RYR2: variants seen among roughly 807,000 people sequenced by gnomAD.
RYR2 encodes ryanodine receptor 2, also known as cardiac muscle ryanodine receptor-calcium release channel.
Under a neutral mutation model 601.1 loss-of-function variants are expected in RYR2, and 227 were observed. The ratio of observed to expected loss-of-function variants is 0.38; its 90% CI spans 0.34 to 0.42. The LOEUF (loss-of-function observed/expected upper bound fraction) is 0.42. RYR2 is among the 10% of genes least tolerant of loss of function. The pLI, the probability that RYR2 is intolerant of heterozygous loss-of-function variation, is 1.00. For synonymous variants in RYR2, 2,223 were observed against 2,175.1 expected, an observed-to-expected ratio of 1.02 and a Z score of -0.61; for missense variants, 4,646 against 6,156.5, an observed-to-expected ratio of 0.75 and a Z score of 8.21.
rs886046263 is a variant in RYR2 at position 237,491,809 on chromosome 1, T to A, written c.1712T>A (p.Ile571Asn). 7.3e-7 allele frequency: 1 copy of A among 1,376,098 alleles called. No homozygotes were observed. The highest frequency in any genetic ancestry group is 1.0e-6 in the Non-Finnish European group (1 of 986,582). The allele number at this position is 1,376,098 out of a possible 1,614,324, so 85.2% of individuals were successfully genotyped here. A position where few individuals can be genotyped will look rare whatever the true frequency, so the allele number is the denominator to read the frequency against. ...TCTTTCTTTGTTTTATCTTTAGGCA[T>A]TCTGGAAGTTTTACACTGTGTTTTA... ...RLERLEASSG[I>N]LEVLHCVLVE... The change falls in exon 18 of 105, where the codon ATT (isoleucine) becomes AAT (asparagine). Residue 571 changes from isoleucine (I) to asparagine (N), a missense_variant. By Grantham distance (149) the Ile-to-Asn change is moderately radical. This residue lies in a region of RYR2 where 1,807 missense variants were observed against 2,088.1 expected (regional missense o/e 0.87). Coordinates refer to ENST00000366574, the MANE Select transcript of RYR2 (RefSeq NM_001035.3).
At position 237,625,787 on chromosome 1, in the gene RYR2, G is replaced by A. The variant is rs1679582199; in HGVS notation, c.6149G>A (p.Ser2050Asn). Residue 2050 changes from serine to asparagine, a missense_variant, in exon 40 of 105, where the codon AGT becomes AAT. Ser to Asn is a conservative substitution (Grantham distance 46). This residue lies in a region of RYR2 where 170 missense variants were observed against 184.5 expected (regional missense o/e 0.92). Transcript: ENST00000366574. ...KKKQAEKPVESDSKKSSTLQQ... is the reference protein window; with the variant it reads ...KKKQAEKPVENDSKKSSTLQQ... ...AAGCAAGCAGAAAAACCAGTTGAGA[G>A]TGACTCCAAAAAGTCCTGTAAGCAG... 6.2e-7 allele frequency: 1 copy of A among 1,613,652 alleles called. No homozygotes were observed. The highest frequency in any genetic ancestry group is 8.5e-7 in the Non-Finnish European group (1 of 1,179,762).
intron 84 of RYR2, among the ~76,000 whole-genome samples, chr1:237,764,254 A>G (rs115457020): frequency 0.011 from 1,686 of 152,300 alleles, 18 homozygotes; most frequent in Middle Eastern, 0.02. Flanking sequence ...GTCCAAGGTC[A>G]CACAGCTAAG....
intron 2 of RYR2, among the ~76,000 whole-genome samples, chr1:237,286,284 T>A (rs1193174483): frequency 2.0e-5 from 3 of 152,094 alleles, no homozygotes; most frequent in Non-Finnish European, 4.4e-5. Flanking sequence ...GACCCAATGC[T>A]CATTCAGGAG....
chr1:237,463,987 A>C (rs926880273), intron 16 of RYR2, among the ~76,000 whole-genome samples: 4 of 152,246 alleles, frequency 2.6e-5, no homozygotes, highest in African/African-American at 9.6e-5. Flanking sequence ...AACTACTCTT[A>C]AACTTAACCA....
chr1:237,095,469 T>C (rs1192686669), intron 1 of RYR2, among the ~76,000 whole-genome samples: 2 of 152,264 alleles, frequency 1.3e-5, no homozygotes, highest in Admixed American at 1.3e-4. Flanking sequence ...GAAAGCACTC[T>C]GTAGCTGAAA....
At chr1:237,471,198 C>A (rs554436414) in intron 17 of RYR2, 1 of 153,788 alleles carries the variant, frequency 6.5e-6, no homozygotes, top group Admixed American at 6.5e-5. Context: ...CCATTTTGAA[C>A]ATGCCTAGTC....
intron 1 of RYR2, among the ~76,000 whole-genome samples, chr1:237,110,144 C>A (rs1157387669): frequency 2.6e-5 from 4 of 151,986 alleles, no homozygotes; most frequent in Non-Finnish European, 5.9e-5. Flanking sequence ...TTAATTTTTA[C>A]TCAAGTTCTT....
chr1:237,415,256 T>C (rs1442674863), intron 10 of RYR2, among the ~76,000 whole-genome samples: 1 of 152,124 alleles, frequency 6.6e-6, no homozygotes, highest in Non-Finnish European at 1.5e-5. Flanking sequence ...AGGGTGCACA[T>C]AAGGATTTCT....
At chr1:237,250,170 C>T (rs73123344) in intron 1 of RYR2, among the ~76,000 whole-genome samples, 2,671 of 152,260 alleles carry the variant, frequency 0.018, 75 homozygotes, top group African/African-American at 0.059. Context: ...GCTGGGGAGA[C>T]GGGCACACTG....
chr1:237,369,720 G>A, intron 6 of RYR2, 112 bp downstream of exon 6: 2 of 824,234 alleles, frequency 2.4e-6, no homozygotes, highest in Non-Finnish European at 3.9e-6. Context: ...GAGCTTGGAT[G>A]TTTGTGTTCT....
chr1:237,179,945 C>G (rs1330898791), intron 1 of RYR2, among the ~76,000 whole-genome samples: 1 of 152,072 alleles, frequency 6.6e-6, no homozygotes, highest in Non-Finnish European at 1.5e-5. Context: ...TCAGCATGTC[C>G]TTTGTAAGCC....
chr1:237,338,750 C>T (rs1194411135), intron 3 of RYR2, among the ~76,000 whole-genome samples: 1 of 152,102 alleles, frequency 6.6e-6, no homozygotes, highest in Non-Finnish European at 1.5e-5. Context: ...CATCGTAAAG[C>T]CTTTTTTGTT....
chr1:237,236,491 A>AT (rs1685562941), intron 1 of RYR2, among the ~76,000 whole-genome samples: 1 of 152,248 alleles, frequency 6.6e-6, no homozygotes, highest in Non-Finnish European at 1.5e-5. Context: ...AGTCCTAGAC[A>AT]TTTACAAATT....
intron 1 of RYR2, among the ~76,000 whole-genome samples, chr1:237,126,521 C>T (rs1671442896): frequency 6.6e-6 from 1 of 152,158 alleles, no homozygotes; most frequent in African/African-American, 2.4e-5. Context: ...AAGGCTTTCT[C>T]AGAGCTCCAC....
At chr1:237,118,968 A>G (rs1233052563) in intron 1 of RYR2, among the ~76,000 whole-genome samples, 2 of 152,146 alleles carry the variant, frequency 1.3e-5, no homozygotes, top group African/African-American at 4.8e-5. Context: ...GAATGAAACC[A>G]TTCTGACTGG....
At chr1:237,705,595 G>A (rs180989314) in intron 67 of RYR2, among the ~76,000 whole-genome samples, 33 of 152,232 alleles carry the variant, frequency 2.2e-4, no homozygotes, top group Admixed American at 4.6e-4. Context: ...CTTGGACAGC[G>A]TGTATGTGTG....
At chr1:237,148,535 T>TATATATATATACACAC (rs1558320095) in intron 1 of RYR2, among the ~76,000 whole-genome samples, 7 of 125,126 alleles carry the variant, frequency 5.6e-5, no homozygotes, top group African/African-American at 2.3e-4. Flanking sequence ...AAAATATATA[T>TATATATATATACACAC]ATATATATAT....
rs2149691814 is a variant in RYR2, at chr1:237,355,961, A to G, written c.274-4A>G. On this transcript the variant is annotated splice_region_variant and splice_polypyrimidine_tract_variant and intron_variant, in intron 3 of 104. Transcript: ENST00000366574. ...TTATTTATTTTGGCTTTTTCTTTCCACAGCAAGTTGATGTGGAAAAATGGG... is the reference window on the plus strand; with the variant it reads ...TTATTTATTTTGGCTTTTTCTTTCCGCAGCAAGTTGATGTGGAAAAATGGG... 1 of 1,603,130 alleles carries G rather than the reference A, an allele frequency of 6.2e-7. No homozygotes were observed. Among genetic ancestry groups the G allele is most frequent in the East Asian group, 2.2e-5 (1 of 44,608 alleles).
At chr1:237,383,342 A>C (rs1352121914) in intron 8 of RYR2, among the ~76,000 whole-genome samples, 3 of 150,204 alleles carry the variant, frequency 2.0e-5, no homozygotes, top group East Asian at 3.9e-4. Flanking sequence ...TTGGATCAGC[A>C]GTCTTGATTG....
Sources: gnomAD v4.1 joint callset for allele counts (sites outside exome capture counted in the v4.1 genomes callset) on GRCh38, gnomAD v4.1.1 for gene constraint, gnomAD v4.1.1 regional missense constraint, MANE v1.5 for transcripts, NCBI Gene and HGNC (gene_info 2026-07-23, HGNC 2026-07-21) for gene names.